Variants in XIAP observed in about 807,000 individuals in gnomAD.
The protein encoded by XIAP is X-linked inhibitor of apoptosis, also known as E3 ubiquitin-protein ligase XIAP.
A neutral mutation model predicts 33.1 loss-of-function variants in XIAP; 3 were observed. That is an observed-to-expected ratio of 0.09 (90% CI 0.04 to 0.23). The LOEUF is 0.23. Among genes scored for constraint, XIAP ranks in the 10% least tolerant of loss-of-function variants. The pLI is 1.00. For missense variants in XIAP, 264 were observed against 363.0 expected (o/e 0.73, Z 2.22); for synonymous variants, 98 against 121.3 (o/e 0.81, Z 1.26).
At chrX:123,905,550 T>A (rs1003762481) in intron 6 of XIAP, among the ~76,000 whole-genome samples, 1 of 111,690 alleles carries the variant, frequency 9.0e-6, no homozygotes, top group African/African-American at 3.2e-5. Flanking sequence ...ACATTGTAAT[T>A]ACCTTTGTCA....
At position 123,912,490 on chromosome X, in the gene XIAP, C is replaced by T. The variant is rs1024132414; in HGVS notation, c.*5309C>T. ...TCTCTACAAAAAATACAAAAATTAG[C>T]TGGGCATGGTGGTGTGTGCCTGTAG... On this transcript the variant is annotated 3_prime_UTR_variant, in exon 7 of 7. Coordinates refer to ENST00000371199, the MANE Select transcript of XIAP (RefSeq NM_001167.4). The T allele has an allele frequency of 6.1e-6, 2 of 325,311 alleles. No individual in the cohort carries two copies. Among genetic ancestry groups the T allele is most frequent in the Non-Finnish European group, 1.2e-5 (2 of 169,191 alleles). 26.8% of individuals were successfully genotyped at this position (325,311 alleles called of 1,213,427 possible).
At chrX:123,902,926 A>G (rs2053526014) in intron 6 of XIAP, among the ~76,000 whole-genome samples, 1 of 110,873 alleles carries the variant, frequency 9.0e-6, no homozygotes, top group African/African-American at 3.3e-5. Flanking sequence ...CTTCTGACCT[A>G]GAAGAGGGCT....
In XIAP at chrX:123,912,480, C is replaced by A. The variant is rs1343680473; in HGVS notation, c.*5299C>A. ...CAAAACCCTGTCTCTACAAAAAATA[C>A]AAAAATTAGCTGGGCATGGTGGTGT... On this transcript the variant is annotated 3_prime_UTR_variant, in exon 7 of 7. Transcript: ENST00000371199. 1 of 325,100 alleles carries A rather than the reference C, an allele frequency of 3.1e-6. No individual in the cohort carries two copies. The highest frequency in any genetic ancestry group is 2.7e-5 in the African/African-American group (1 of 37,039). 26.8% of individuals were successfully genotyped at this position (325,100 alleles called of 1,213,427 possible).
rs192094061 is a variant in XIAP at position 123,887,324 on chromosome X, A to G, written c.877+785A>G. 3.7e-3 allele frequency among the ~76,000 whole-genome samples: 419 copies of G among 112,525 alleles called. 2 individuals carry two copies. The highest frequency in any genetic ancestry group is 9.2e-3 in the Middle Eastern group (2 of 217). On this transcript the variant is annotated intron_variant, in intron 2 of 6. Transcript: ENST00000371199. ...TGGCCTCCCAAAGTGCTGGGATTAC[A>G]GGCATGAGCCACTGCGCCGGCCATA...
intron 1 of XIAP, among the ~76,000 whole-genome samples, chrX:123,867,195 T>C (rs1271997386): frequency 1.9e-5 from 2 of 104,812 alleles, no homozygotes; most frequent in Non-Finnish European, 3.9e-5. Flanking sequence ...TCAGCCTCTC[T>C]AAGTAGCTGG....
chrX:123,882,547 C>T (rs2053313384), intron 1 of XIAP, among the ~76,000 whole-genome samples: 1 of 111,988 alleles, frequency 8.9e-6, no homozygotes, highest in South Asian at 3.6e-4. Context: ...AATGTCCCTT[C>T]CAAAATGTAT....
At chrX:123,899,277 A>G (rs967295264) in intron 5 of XIAP, among the ~76,000 whole-genome samples, 73 of 98,895 alleles carry the variant, frequency 7.4e-4, no homozygotes, top group Middle Eastern at 5.1e-3. Context: ...ATGATTTTGT[A>G]TATATATATG....
intron 5 of XIAP, among the ~76,000 whole-genome samples, chrX:123,899,296 T>G (rs1257710017): frequency 1.9e-4 from 19 of 100,335 alleles, no homozygotes; most frequent in Non-Finnish European, 3.8e-4. Context: ...TGATTTTGTA[T>G]ATATATACAC....
upstream of XIAP, chrX:123,859,772 C>A (rs866072684): frequency 3.3e-5 from 3 of 91,749 alleles, no homozygotes; most frequent in Non-Finnish European, 5.4e-5. Context: ...GCGGGGGGGT[C>A]GGGTGGGGGT....
intron 1 of XIAP, among the ~76,000 whole-genome samples, chrX:123,866,698 C>T (rs1013387908): frequency 9.7e-6 from 1 of 103,433 alleles, no homozygotes; most frequent in Non-Finnish European, 1.9e-5. Flanking sequence ...ATATATTTTT[C>T]AGACAGAGTC....
chrX:123,881,333 G>A (rs1427371862), intron 1 of XIAP, among the ~76,000 whole-genome samples: 1 of 110,523 alleles, frequency 9.0e-6, no homozygotes, highest in Non-Finnish European at 1.9e-5. Context: ...GTTTTCTGTG[G>A]TATCATTTTC....
intron 5 of XIAP, among the ~76,000 whole-genome samples, chrX:123,899,740 T>C (rs1346734248): frequency 1.8e-5 from 2 of 109,548 alleles, no homozygotes. Flanking sequence ...TTTCTTGCTG[T>C]GTAGCGTATG....
intron 1 of XIAP, among the ~76,000 whole-genome samples, chrX:123,879,748 T>G (rs1030413474): frequency 1.8e-5 from 2 of 112,314 alleles, no homozygotes; most frequent in Non-Finnish European, 3.8e-5. Context: ...GTATACATTT[T>G]CATACAGTGG....
chrX:123,891,470 A>G (rs978501121), intron 4 of XIAP, among the ~76,000 whole-genome samples, 154 bp downstream of exon 4: 5 of 112,030 alleles, frequency 4.5e-5, no homozygotes, highest in Admixed American at 3.8e-4. Context: ...TGTACATTAC[A>G]TCAAAACACA....
chrX:123,873,514 A>G (rs1295427681), intron 1 of XIAP, among the ~76,000 whole-genome samples: 5 of 105,504 alleles, frequency 4.7e-5, no homozygotes, highest in Non-Finnish European at 9.7e-5. Context: ...ATCGCCAGGC[A>G]CGGTGGCTCA....
intron 1 of XIAP, among the ~76,000 whole-genome samples, chrX:123,872,397 C>T (rs1253290665): frequency 1.1e-5 from 1 of 93,928 alleles, no homozygotes; most frequent in Non-Finnish European, 2.1e-5. Context: ...CTCAAGTTAA[C>T]AATAAGTTGG....
chrX:123,872,641 T>G (rs767857253), intron 1 of XIAP: 1 of 110,715 alleles, frequency 9.0e-6, no homozygotes, highest in South Asian at 3.8e-4. Context: ...TGAGCCGAGA[T>G]CACGCCACTG....
chrX:123,913,376 A>G lies in XIAP; in HGVS notation c.*6195A>G, dbSNP rs752887647. 3.1e-6 allele frequency: 1 copy of G among 327,863 alleles called. No individual in the cohort carries two copies. The highest frequency in any genetic ancestry group is 5.9e-6 in the Non-Finnish European group (1 of 169,160). The allele number at this position is 327,863 out of a possible 1,213,427, so 27.0% of individuals were successfully genotyped here. A position where few individuals can be genotyped will look rare whatever the true frequency, so the allele number is the denominator to read the frequency against. On this transcript the variant is annotated 3_prime_UTR_variant, in exon 7 of 7. Coordinates refer to ENST00000371199, the MANE Select transcript of XIAP (RefSeq NM_001167.4). The stretch of plus-strand genomic sequence containing the variant: ...TCCCAGCTACTAGAGCGACTGAGGC[A>G]GGAGAATTGCTTGAACCTGGGAGGC...
At chrX:123,901,958 G>A (rs915666448) in intron 6 of XIAP, among the ~76,000 whole-genome samples, 5 of 111,132 alleles carry the variant, frequency 4.5e-5, no homozygotes, top group African/African-American at 1.3e-4. Context: ...TCACCCTCCC[G>A]AGTAGCTGGA....
Sources: gnomAD v4.1 joint callset for allele counts (sites outside exome capture counted in the v4.1 genomes callset) on GRCh38, gnomAD v4.1.1 for gene constraint, MANE v1.5 for transcripts, NCBI Gene and HGNC (gene_info 2026-07-23, HGNC 2026-07-21) for gene names.